Variants in BRINP3 observed in about 807,000 individuals in gnomAD.
BRINP3 encodes the protein BMP/retinoic acid-inducible neural-specific protein 3.
BRINP3 carries 19 observed loss-of-function variants against 71.0 expected under a neutral mutation model. The ratio of observed to expected loss-of-function variants is 0.27; its 90% CI spans 0.19 to 0.39. BRINP3 has a LOEUF of 0.39. Among genes scored for constraint, BRINP3 ranks in the 10% least tolerant of loss-of-function variants. The pLI is 1.00. For synonymous variants in BRINP3, 380 were observed against 337.7 expected (o/e 1.13, Z -1.37); for missense variants, 959 against 940.8 (o/e 1.02, Z -0.25).
At chr1:190,201,936 G>C (rs187321302) in intron 6 of BRINP3, among the ~76,000 whole-genome samples, 143 of 152,272 alleles carry the variant, frequency 9.4e-4, no homozygotes, top group Admixed American at 2.6e-3. Flanking sequence ...GTGCAGAAGG[G>C]AAATGTGGCG....
At chr1:190,403,178 C>T (rs1023408476) in intron 2 of BRINP3, among the ~76,000 whole-genome samples, 1 of 151,976 alleles carries the variant, frequency 6.6e-6, no homozygotes, top group Non-Finnish European at 1.5e-5. Context: ...AACGAATACA[C>T]CAAAAAGAAA....
chr1:190,254,569 CTGTT>C (rs1333135984), intron 4 of BRINP3, among the ~76,000 whole-genome samples: 4 of 152,076 alleles, frequency 2.6e-5, no homozygotes, highest in Middle Eastern at 3.2e-3. Context: ...ATTTGGCTCT[CTGTT>C]TGTCTCTTAT....
chr1:190,266,256 C>T (rs1199733146), intron 3 of BRINP3, among the ~76,000 whole-genome samples: 1 of 152,118 alleles, frequency 6.6e-6, no homozygotes, highest in African/African-American at 2.4e-5. Context: ...GAATAGTTTG[C>T]ATTTCCTCTC....
intron 2 of BRINP3, among the ~76,000 whole-genome samples, chr1:190,313,267 A>G (rs1199382598): frequency 6.6e-6 from 1 of 151,970 alleles, no homozygotes; most frequent in African/African-American, 2.4e-5. Flanking sequence ...AATCAGACCA[A>G]CAAAATTTGG....
intron 1 of BRINP3, among the ~76,000 whole-genome samples, chr1:190,469,741 G>T (rs1571399061): frequency 6.6e-6 from 1 of 150,950 alleles, no homozygotes; most frequent in East Asian, 1.9e-4. Context: ...TATAACAGAA[G>T]GGGCTTTGGT....
chr1:190,121,526 T>C (rs1036536046), intron 7 of BRINP3, among the ~76,000 whole-genome samples: 4 of 152,282 alleles, frequency 2.6e-5, no homozygotes, highest in African/African-American at 9.6e-5. Context: ...ACTGCAGAAG[T>C]AAATAATATT....
chr1:190,170,384 T>C (rs1209025625), intron 6 of BRINP3, among the ~76,000 whole-genome samples: 1 of 152,176 alleles, frequency 6.6e-6, no homozygotes, highest in African/African-American at 2.4e-5. Flanking sequence ...ATATTACATA[T>C]ACTATGAATT....
intron 4 of BRINP3, among the ~76,000 whole-genome samples, chr1:190,255,184 G>A (rs189880097): frequency 5.3e-5 from 8 of 151,174 alleles, no homozygotes; most frequent in East Asian, 3.9e-4. Flanking sequence ...CCAGTATTTC[G>A]TTGAGGATTT....
At chr1:190,194,111 A>T (rs1654276842) in intron 6 of BRINP3, among the ~76,000 whole-genome samples, 1 of 152,102 alleles carries the variant, frequency 6.6e-6, no homozygotes, top group African/African-American at 2.4e-5. Context: ...AATTATCCAG[A>T]TGTTCCCTGA....
chr1:190,255,759 G>GTT (rs34701521), intron 4 of BRINP3, among the ~76,000 whole-genome samples: 9 of 151,642 alleles, frequency 5.9e-5, no homozygotes, highest in Non-Finnish European at 1.2e-4. Flanking sequence ...TTTTTGAAGG[G>GTT]TTTTTTGGGT....
At chr1:190,158,814 T>G (rs548711760) in intron 7 of BRINP3, among the ~76,000 whole-genome samples, 3 of 144,826 alleles carry the variant, frequency 2.1e-5, no homozygotes, top group African/African-American at 7.7e-5. Flanking sequence ...TAAAAGTTAG[T>G]GAAAAATGAA....
At chr1:190,226,370 TA>T (rs1405421406) in intron 5 of BRINP3, 52 bp from the exon 6 acceptor site, 8 of 993,448 alleles carry the variant, frequency 8.1e-6, no homozygotes, top group Non-Finnish European at 8.7e-6. Flanking sequence ...AAGAAAAAAT[TA>T]AAATACTTAT....
At chr1:190,379,765 C>A (rs1053996611) in intron 2 of BRINP3, among the ~76,000 whole-genome samples, 3 of 151,624 alleles carry the variant, frequency 2.0e-5, no homozygotes, top group South Asian at 2.1e-4. Context: ...TTTGGGAGAC[C>A]GAGGCAGGCG....
intron 2 of BRINP3, among the ~76,000 whole-genome samples, chr1:190,383,101 T>C (rs1558237011): frequency 6.6e-6 from 1 of 152,142 alleles, no homozygotes; most frequent in African/African-American, 2.4e-5. Flanking sequence ...GATATATTTT[T>C]TTTCCTCCCT....
At chr1:190,227,924 A>G (rs1018874983) in intron 5 of BRINP3, among the ~76,000 whole-genome samples, 1 of 151,936 alleles carries the variant, frequency 6.6e-6, no homozygotes, top group Admixed American at 6.6e-5. Context: ...CATGTGGGAT[A>G]CTAAGAGTGG....
At chr1:190,152,617 G>A (rs1369614971) in intron 7 of BRINP3, among the ~76,000 whole-genome samples, 1 of 132,652 alleles carries the variant, frequency 7.5e-6, no homozygotes, top group African/African-American at 2.9e-5. Flanking sequence ...TGCCTCTATT[G>A]GGTTGAGTCT....
chr1:190,332,250 G>T (rs1421998451), intron 2 of BRINP3, among the ~76,000 whole-genome samples: 3 of 152,126 alleles, frequency 2.0e-5, no homozygotes, highest in African/African-American at 7.2e-5. Context: ...TTCTTTGACT[G>T]ATAGAAAGTA....
chr1:190,242,500 A>C (rs1659200135), intron 4 of BRINP3, among the ~76,000 whole-genome samples: 1 of 152,144 alleles, frequency 6.6e-6, no homozygotes, highest in Non-Finnish European at 1.5e-5. Flanking sequence ...ACGGATAAAC[A>C]CATTCAGTGC....
At chr1:190,287,900 G>T (rs1663558299) in intron 2 of BRINP3, among the ~76,000 whole-genome samples, 1 of 151,988 alleles carries the variant, frequency 6.6e-6, no homozygotes. Flanking sequence ...ATGTTACATA[G>T]TTTTAAATCA....
Sources: allele counts gnomAD v4.1 joint callset (sites outside exome capture counted in the v4.1 genomes callset), GRCh38; gene constraint gnomAD v4.1.1; transcripts MANE v1.5; gene names NCBI Gene and HGNC (gene_info 2026-07-23, HGNC 2026-07-21).